Variants in TMEM132B observed in about 807,000 individuals in gnomAD.
TMEM132B encodes transmembrane protein 132B.
Under a neutral mutation model 90.8 loss-of-function variants are expected in TMEM132B, and 18 were observed. The ratio of observed to expected loss-of-function variants is 0.20; its 90% CI spans 0.14 to 0.29. TMEM132B has a LOEUF of 0.29. Ranked by LOEUF, TMEM132B falls within the 10% of genes least tolerant of loss-of-function variation. TMEM132B has a pLI of 1.00. For missense variants in TMEM132B, 1,096 were observed against 1,326.8 expected, an observed-to-expected ratio of 0.83 and a Z score of 2.70; for synonymous variants, 504 against 523.3, an observed-to-expected ratio of 0.96 and a Z score of 0.50.
intron 1 of TMEM132B, among the ~76,000 whole-genome samples, chr12:125,276,277 G>A (rs1874984064): frequency 6.6e-6 from 1 of 152,194 alleles, no homozygotes; most frequent in African/African-American, 2.4e-5. Context: ...GCGGTCAGAC[G>A]ACTCCAGCTG....
intron 3 of TMEM132B, among the ~76,000 whole-genome samples, chr12:125,480,830 C>A (rs1882018057): frequency 6.6e-6 from 1 of 152,180 alleles, no homozygotes. Context: ...AGACCAATAT[C>A]CCTGATGAAC....
At chr12:125,510,683 A>C (rs1377197545) in intron 3 of TMEM132B, among the ~76,000 whole-genome samples, 1 of 152,190 alleles carries the variant, frequency 6.6e-6, no homozygotes, top group Non-Finnish European at 1.5e-5. Flanking sequence ...TTTTAAAAGA[A>C]ATATATTTTA....
At chr12:125,416,353 G>A (rs1261983157) in intron 3 of TMEM132B, among the ~76,000 whole-genome samples, 2 of 152,220 alleles carry the variant, frequency 1.3e-5, no homozygotes, top group African/African-American at 4.8e-5. Context: ...GGGCTAACAA[G>A]CTTTGCTGGA....
At chr12:125,377,791 A>T (rs61943146) in intron 2 of TMEM132B, among the ~76,000 whole-genome samples, 10,745 of 152,026 alleles carry the variant, frequency 0.071, 467 homozygotes, top group Admixed American at 0.13. Flanking sequence ...AGAGCCTGCA[A>T]CTCTGGCTGC....
intron 5 of TMEM132B, among the ~76,000 whole-genome samples, chr12:125,604,046 C>T (rs1490071207): frequency 1.3e-5 from 2 of 152,172 alleles, no homozygotes; most frequent in Non-Finnish European, 2.9e-5. Context: ...TGTGATTCCT[C>T]AAGGATCTAG....
chr12:125,458,271 T>G lies in TMEM132B; in HGVS notation c.1106+42594T>G, dbSNP rs1049240237. Among the ~76,000 whole-genome samples, 1 of 151,978 alleles carries G rather than the reference T, an allele frequency of 6.6e-6. No homozygotes were observed. The highest frequency in any genetic ancestry group is 2.4e-5 in the African/African-American group (1 of 41,374). ...ATGGAGCCTGGGACACAAGTCCTAG[T>G]CATGTGCGTTTATTATAAAGTGCAG... is the stretch of plus-strand genomic sequence containing the variant. On this transcript the variant is annotated intron_variant, in intron 3 of 8. Coordinates refer to ENST00000682704, the MANE Select transcript of TMEM132B (RefSeq NM_001366854.1). This position sits in a 1 kb window ranked among gnomAD's most constrained non-coding sequence, Gnocchi z 4.9.
At chr12:125,499,872 A>G (rs2136593629) in intron 3 of TMEM132B, among the ~76,000 whole-genome samples, 1 of 152,330 alleles carries the variant, frequency 6.6e-6, no homozygotes, top group South Asian at 2.1e-4. Flanking sequence ...CGCACACACT[A>G]TATTGTAAAT....
intron 1 of TMEM132B, among the ~76,000 whole-genome samples, chr12:125,257,360 T>G (rs1197982465): frequency 6.6e-6 from 1 of 152,192 alleles, no homozygotes; most frequent in Non-Finnish European, 1.5e-5. Flanking sequence ...CTACCGTTGG[T>G]CAGTGCAGGG....
At chr12:125,361,399 A>G (rs1228446152) in intron 2 of TMEM132B, among the ~76,000 whole-genome samples, 1 of 152,102 alleles carries the variant, frequency 6.6e-6, no homozygotes, top group Non-Finnish European at 1.5e-5. Context: ...ATGATCCCCC[A>G]TTTCAAAGGT....
intron 1 of TMEM132B, among the ~76,000 whole-genome samples, chr12:125,282,706 A>C (rs1875232170): frequency 6.6e-6 from 1 of 152,100 alleles, no homozygotes; most frequent in African/African-American, 2.4e-5. Context: ...CTGCTTGGGG[A>C]TGTGTGACTG....
At chr12:125,516,414 A>G (rs984342331) in intron 3 of TMEM132B, among the ~76,000 whole-genome samples, 2 of 152,222 alleles carry the variant, frequency 1.3e-5, no homozygotes, top group African/African-American at 2.4e-5. Flanking sequence ...AAGCATGCCC[A>G]TTGCCTAAAA....
chr12:125,239,129 C>T (rs1476612539), intron 1 of TMEM132B, among the ~76,000 whole-genome samples: 1 of 151,670 alleles, frequency 6.6e-6, no homozygotes, highest in Non-Finnish European at 1.5e-5. Context: ...GATGGATGGA[C>T]AATTCAGTTT....
intron 1 of TMEM132B, among the ~76,000 whole-genome samples, chr12:125,320,069 A>G (rs1302047339): frequency 6.6e-6 from 1 of 151,276 alleles, no homozygotes; most frequent in African/African-American, 2.4e-5. Context: ...CCTTTTCTAC[A>G]AGGACTGGCC....
intron 1 of TMEM132B, among the ~76,000 whole-genome samples, chr12:125,235,463 A>G (rs1257316085): frequency 6.7e-6 from 1 of 149,766 alleles, no homozygotes; most frequent in African/African-American, 2.5e-5. Context: ...TTTTAAGCTG[A>G]GGTGAAATTT....
At chr12:125,296,336 C>T (rs1470182152) in intron 1 of TMEM132B, among the ~76,000 whole-genome samples, 3 of 152,186 alleles carry the variant, frequency 2.0e-5, no homozygotes, top group East Asian at 1.9e-4. Flanking sequence ...GCCAGGAGTG[C>T]GCTTCCCAGG....
chr12:125,555,066 A>G (rs1159397257), intron 4 of TMEM132B, among the ~76,000 whole-genome samples: 1 of 152,208 alleles, frequency 6.6e-6, no homozygotes, highest in Middle Eastern at 3.2e-3. Flanking sequence ...GTCGCTCATC[A>G]TGATGTGCAT....
intron 2 of TMEM132B, among the ~76,000 whole-genome samples, chr12:125,358,340 A>T (rs750047430): frequency 1.3e-4 from 20 of 152,128 alleles, no homozygotes; most frequent in Admixed American, 5.2e-4. Context: ...CTTAATGCTA[A>T]TATCTTATGT....
intron 3 of TMEM132B, among the ~76,000 whole-genome samples, chr12:125,457,797 G>A (rs924442937): frequency 6.6e-6 from 1 of 152,210 alleles, no homozygotes. Flanking sequence ...AGGTGAGCAT[G>A]ATGCAAAGGC....
intron 2 of TMEM132B, among the ~76,000 whole-genome samples, chr12:125,375,696 C>T (rs971028971): frequency 4.6e-5 from 7 of 152,244 alleles, no homozygotes; most frequent in African/African-American, 9.6e-5. Context: ...TGACTTACCA[C>T]GGCTGCGTGT....
Sources: gnomAD v4.1 joint callset for allele counts (sites outside exome capture counted in the v4.1 genomes callset) on GRCh38, gnomAD v4.1.1 for gene constraint, Gnocchi (gnomAD v3.1) non-coding constraint, MANE v1.5 for transcripts, NCBI Gene and HGNC (gene_info 2026-07-23, HGNC 2026-07-21) for gene names.